DCAF8L2: variants seen among roughly 807,000 people sequenced by gnomAD.
The protein encoded by DCAF8L2 is DDB1- and CUL4-associated factor 8-like protein 2.
For synonymous variants in DCAF8L2, 200 were observed against 190.9 expected (o/e 1.05, Z -0.39); for missense variants, 430 against 490.7 (o/e 0.88, Z 1.17).
At chrX:27,489,132 C>T in the DCAF8L2 span, among the ~76,000 whole-genome samples, 3 of 111,657 alleles carry the variant, frequency 2.7e-5, no homozygotes, top group African/African-American at 9.8e-5. Context: ...GAGTCTCGTT[C>T]TGTCGCCCAG....
chrX:27,547,877 CTCTCTCTCTCTCTT>C, the DCAF8L2 span, among the ~76,000 whole-genome samples: 82 of 65,614 alleles, frequency 1.2e-3, 3 homozygotes, highest in East Asian at 0.025. Context: ...CTCTTTCTCT[CTCTCTCTCTCTCTT>C]TCTCTCTCTC....
the DCAF8L2 span, among the ~76,000 whole-genome samples, chrX:27,560,825 T>C: frequency 8.9e-6 from 1 of 112,094 alleles, no homozygotes; most frequent in Non-Finnish European, 1.9e-5. Flanking sequence ...GGAGCCTGTA[T>C]TGTGATTATT....
At chrX:27,615,203 C>G (rs1174277182) in intron 1 of DCAF8L2, among the ~76,000 whole-genome samples, 1 of 111,648 alleles carries the variant, frequency 9.0e-6, no homozygotes, top group African/African-American at 3.2e-5. Context: ...AGAGGCCAAA[C>G]AGATATCCAA....
At chrX:27,653,121 C>T (rs931163410) in intron 2 of DCAF8L2, among the ~76,000 whole-genome samples, 2 of 111,601 alleles carry the variant, frequency 1.8e-5, no homozygotes, top group Non-Finnish European at 3.8e-5. Flanking sequence ...GGATGCACTG[C>T]GTGGAATGGT....
At chrX:27,686,329 A>C (rs1164751692) in intron 3 of DCAF8L2, among the ~76,000 whole-genome samples, 2 of 111,906 alleles carry the variant, frequency 1.8e-5, no homozygotes, top group African/African-American at 6.5e-5. Context: ...ATATGAAATC[A>C]ACCTGTGTCC....
chrX:27,723,118 A>G (rs1308151406), intron 4 of DCAF8L2, among the ~76,000 whole-genome samples: 1 of 110,557 alleles, frequency 9.0e-6, no homozygotes, highest in African/African-American at 3.3e-5. Context: ...ATGGAAAACT[A>G]TACCATGTTT....
intron 2 of DCAF8L2, among the ~76,000 whole-genome samples, chrX:27,655,946 A>C (rs1250689543): frequency 2.7e-5 from 3 of 110,799 alleles, no homozygotes; most frequent in African/African-American, 6.6e-5. Context: ...TTTATAAAAA[A>C]CCTCTGTCTC....
chrX:27,588,035 G>A (rs1925946100), upstream of DCAF8L2, among the ~76,000 whole-genome samples: 1 of 97,844 alleles, frequency 1.0e-5, no homozygotes, highest in African/African-American at 4.0e-5. Context: ...GTTTATTTTA[G>A]ATTCAGGGCG....
At chrX:27,670,313 C>T (rs1929905090) in intron 2 of DCAF8L2, among the ~76,000 whole-genome samples, 1 of 111,269 alleles carries the variant, frequency 9.0e-6, no homozygotes, top group Non-Finnish European at 1.9e-5. Flanking sequence ...TAAAGTCCTG[C>T]TTATTGACTG....
the DCAF8L2 span, among the ~76,000 whole-genome samples, chrX:27,516,059 G>T: frequency 3.6e-5 from 4 of 112,240 alleles, no homozygotes; most frequent in Non-Finnish European, 5.6e-5. Context: ...TGAATCTACT[G>T]TGTATGAAAA....
At chrX:27,474,499 G>A in the DCAF8L2 span, among the ~76,000 whole-genome samples, 1 of 111,307 alleles carries the variant, frequency 9.0e-6, no homozygotes, top group East Asian at 2.8e-4. Context: ...CTAGTAATGT[G>A]ACATGAACAA....
the DCAF8L2 span, among the ~76,000 whole-genome samples, chrX:27,476,030 C>T: frequency 1.2e-4 from 13 of 110,352 alleles, no homozygotes; most frequent in African/African-American, 4.0e-4. Context: ...GGAAGTCTTC[C>T]CAGAGAAAAT....
intron 4 of DCAF8L2, among the ~76,000 whole-genome samples, chrX:27,721,485 A>T (rs1024606818): frequency 1.8e-5 from 2 of 111,766 alleles, no homozygotes; most frequent in African/African-American, 6.5e-5. Context: ...GACATAATTC[A>T]CCTAATAATT....
the DCAF8L2 span, among the ~76,000 whole-genome samples, chrX:27,561,681 G>A: frequency 9.0e-6 from 1 of 111,152 alleles, no homozygotes; most frequent in East Asian, 2.8e-4. Flanking sequence ...ATGCATGGGG[G>A]GGTTGTGACT....
At chrX:27,471,843 A>C in the DCAF8L2 span, among the ~76,000 whole-genome samples, 2 of 111,912 alleles carry the variant, frequency 1.8e-5, no homozygotes, top group Non-Finnish European at 3.8e-5. Flanking sequence ...TTCAGTGACT[A>C]TTATGAATGA....
At chrX:27,549,114 T>C in the DCAF8L2 span, among the ~76,000 whole-genome samples, 1 of 111,906 alleles carries the variant, frequency 8.9e-6, no homozygotes, top group South Asian at 3.7e-4. Context: ...GTATTTTTAT[T>C]GTAGAATCAG....
intron 3 of DCAF8L2, among the ~76,000 whole-genome samples, chrX:27,692,793 T>C (rs1224164869): frequency 9.0e-6 from 1 of 111,043 alleles, no homozygotes; most frequent in Non-Finnish European, 1.9e-5. Context: ...CACTCTTGAT[T>C]ATCATAATAT....
At chrX:27,623,158 C>A (rs1927858786) in intron 1 of DCAF8L2, among the ~76,000 whole-genome samples, 1 of 111,405 alleles carries the variant, frequency 9.0e-6, no homozygotes, top group Admixed American at 9.6e-5. Context: ...ACACCACTTA[C>A]TTTTGGGCTA....
the DCAF8L2 span, among the ~76,000 whole-genome samples, chrX:27,480,347 A>G: frequency 8.9e-6 from 1 of 112,286 alleles, no homozygotes; most frequent in South Asian, 3.7e-4. Flanking sequence ...GTTTGCTCTC[A>G]AATCCATTCT....
Sources: allele counts gnomAD v4.1 joint callset (sites outside exome capture counted in the v4.1 genomes callset), GRCh38; gene constraint gnomAD v4.1.1; transcripts MANE v1.5; gene names NCBI Gene and HGNC (gene_info 2026-07-23, HGNC 2026-07-21).